Variants in C8orf34 observed in about 807,000 individuals in gnomAD.
The protein encoded by C8orf34 is chromosome 8 open reading frame 34, also known as uncharacterized protein C8orf34.
Under a neutral mutation model 68.3 loss-of-function variants are expected in C8orf34, and 65 were observed. The ratio of observed to expected loss-of-function variants is 0.95; its 90% CI spans 0.78 to 1.17. C8orf34 has a LOEUF of 1.17. Among genes scored for constraint, C8orf34 ranks in the 50% most tolerant of loss-of-function variants. The pLI, the probability that C8orf34 is intolerant of heterozygous loss-of-function variation, is 0.00. For missense variants in C8orf34, 664 were observed against 655.4 expected, an observed-to-expected ratio of 1.01 and a Z score of -0.14; for synonymous variants, 244 against 241.2, an observed-to-expected ratio of 1.01 and a Z score of -0.11.
chr8:68,443,396 T>C (rs1286708096), intron 2 of C8orf34, among the ~76,000 whole-genome samples: 2 of 152,076 alleles, frequency 1.3e-5, no homozygotes, highest in Non-Finnish European at 2.9e-5. Flanking sequence ...GGTGAATCTT[T>C]TCTTTGTTTT....
chr8:68,600,635 A>G (rs1360913998), intron 7 of C8orf34, among the ~76,000 whole-genome samples: 1 of 152,120 alleles, frequency 6.6e-6, no homozygotes, highest in Admixed American at 6.6e-5. Context: ...TTTTTTGTTG[A>G]TACATAATAT....
At chr8:68,766,545 A>G (rs1403882644) in intron 10 of C8orf34, among the ~76,000 whole-genome samples, 1 of 152,208 alleles carries the variant, frequency 6.6e-6, no homozygotes, top group Non-Finnish European at 1.5e-5. Context: ...GTTTAAGATT[A>G]AATCAAAACA....
chr8:68,664,396 G>A (rs1325092388), intron 8 of C8orf34, among the ~76,000 whole-genome samples: 1 of 152,114 alleles, frequency 6.6e-6, no homozygotes, highest in Non-Finnish European at 1.5e-5. Flanking sequence ...GTCATGCTAG[G>A]CCTCCTTTTC....
intron 7 of C8orf34, among the ~76,000 whole-genome samples, chr8:68,569,438 G>A (rs917091355): frequency 6.6e-6 from 1 of 152,084 alleles, no homozygotes; most frequent in Non-Finnish European, 1.5e-5. Context: ...AACACTTGTC[G>A]GCCCCTCCCC....
At position 68,604,916 on chromosome 8, in the gene C8orf34, C is replaced by T. The variant is rs192303141; in HGVS notation, c.1106-35460C>T. ...AGGCATTGTCAAGAGAACATAAAGA[C>T]AAGAGGCACTGACTGGGTAAAAATA... is the stretch of plus-strand genomic sequence containing the variant. On this transcript the variant is annotated intron_variant, in intron 7 of 13. Coordinates refer to ENST00000518698, the MANE Select transcript of C8orf34 (RefSeq NM_052958.4). Among the ~76,000 whole-genome samples the T allele has an allele frequency of 2.0e-5, 3 of 152,124 alleles. No homozygotes were observed. The East Asian group carries it at 5.8e-4, about 29-fold the overall frequency.
chr8:68,535,006 A>G, intron 7 of C8orf34: 9 of 985,446 alleles, frequency 9.1e-6, no homozygotes, highest in Non-Finnish European at 1.1e-5. Flanking sequence ...GTAATTCCAC[A>G]TATCTCAGCA....
At chr8:68,468,900 C>A in intron 4 of C8orf34, 80 bp downstream of exon 4, 3 of 1,417,530 alleles carry the variant, frequency 2.1e-6, no homozygotes, top group South Asian at 1.3e-5. Flanking sequence ...GCCAATAACC[C>A]ATTTCTAACA....
At chr8:68,480,525 CT>C (rs1812815223) in intron 4 of C8orf34, among the ~76,000 whole-genome samples, 1 of 152,116 alleles carries the variant, frequency 6.6e-6, no homozygotes. Flanking sequence ...ATTTGGAGGC[CT>C]CAGAAGAAGA....
chr8:68,345,574 T>C (rs1218545661), intron 1 of C8orf34, among the ~76,000 whole-genome samples: 1 of 151,962 alleles, frequency 6.6e-6, no homozygotes, highest in African/African-American at 2.4e-5. Context: ...TCAATATTCA[T>C]AGTAGGAAAA....
intron 7 of C8orf34, among the ~76,000 whole-genome samples, chr8:68,612,996 C>T (rs962305999): frequency 3.3e-5 from 5 of 152,094 alleles, no homozygotes; most frequent in Non-Finnish European, 5.9e-5. Context: ...TTTCTAGCAC[C>T]ATTAATGCTC....
Position 68,521,702 on chromosome 8 carries a change from G to A in C8orf34, c.766-97G>A, listed in dbSNP as rs1047762288. On this transcript the variant is annotated intron_variant, in intron 5 of 13. Coordinates refer to ENST00000518698, the MANE Select transcript of C8orf34 (RefSeq NM_052958.4). ...TTGTATCAATTCAGAAAGACAAAAAGCATTTGACAGTCAAATATCTAGGCA... is the reference window on the plus strand; with the variant it reads ...TTGTATCAATTCAGAAAGACAAAAAACATTTGACAGTCAAATATCTAGGCA... The A allele has an allele frequency of 1.2e-5, 13 of 1,054,366 alleles. No individual in the cohort carries two copies. In the African/African-American group the frequency reaches 2.1e-4, roughly 17 times the overall value. The allele number at this position is 1,054,366 out of a possible 1,614,324, so 65.3% of individuals were successfully genotyped here.
At position 68,653,573 on chromosome 8, in the gene C8orf34, G is replaced by C. The variant is rs1819425632; in HGVS notation, c.1241+13062G>C. On this transcript the variant is annotated intron_variant, in intron 8 of 13. Coordinates refer to ENST00000518698, the MANE Select transcript of C8orf34 (RefSeq NM_052958.4). ...TCTAGAGGCTGGAAGTCTGAGATTG[G>C]GGTGCCAGCATGGCTCTGGTGAGGA... Among the ~76,000 whole-genome samples the C allele has an allele frequency of 2.0e-5, 3 of 152,128 alleles. 1 individual carries two copies. The South Asian group carries it at 6.2e-4, about 32-fold the overall frequency.
At chr8:68,815,163 T>G (rs1279044807) in intron 12 of C8orf34, among the ~76,000 whole-genome samples, 1 of 152,124 alleles carries the variant, frequency 6.6e-6, no homozygotes, top group Admixed American at 6.6e-5. Context: ...GCTTTCACCC[T>G]CTGTTTTATT....
Position 68,709,040 on chromosome 8 carries a change from A to G in C8orf34, c.1288A>G (p.Ile430Val). ...LEERTEESLPILHSPDEKIPD... is the reference protein window; with the variant it reads ...LEERTEESLPVLHSPDEKIPD... ...AGAAAGGACAGAAGAGTCACTACCA[A>G]TACTCCATTCTCCAGATGAAAAAAT... Residue 430 changes from isoleucine to valine, a missense_variant, in exon 9 of 14, where the codon ATA (isoleucine) becomes GTA (valine). By Grantham distance (29) the Ile-to-Val change is conservative. Transcript: ENST00000518698. 1 of 1,611,252 alleles carries G rather than the reference A, an allele frequency of 6.2e-7. No homozygotes were observed. Among genetic ancestry groups the G allele is most frequent in the Non-Finnish European group, 8.5e-7 (1 of 1,179,206 alleles).
chr8:68,626,361 G>A (rs1818538138), intron 7 of C8orf34, among the ~76,000 whole-genome samples: 1 of 152,124 alleles, frequency 6.6e-6, no homozygotes, highest in Non-Finnish European at 1.5e-5. Context: ...CCACTAATAT[G>A]TCAATTTAGT....
chr8:68,691,857 T>C (rs1168724091), intron 8 of C8orf34, among the ~76,000 whole-genome samples: 1 of 152,102 alleles, frequency 6.6e-6, no homozygotes, highest in Non-Finnish European at 1.5e-5. Context: ...GTGTATTTTC[T>C]GAGCATACTT....
At chr8:68,622,639 G>A (rs1169637567) in intron 7 of C8orf34, among the ~76,000 whole-genome samples, 1 of 152,144 alleles carries the variant, frequency 6.6e-6, no homozygotes, top group Admixed American at 6.5e-5. Flanking sequence ...TATCAAGATA[G>A]CATCTTTGTT....
At chr8:68,693,802 G>A (rs1230052605) in intron 8 of C8orf34, among the ~76,000 whole-genome samples, 2 of 152,016 alleles carry the variant, frequency 1.3e-5, no homozygotes, top group African/African-American at 4.8e-5. Flanking sequence ...CCTAGCTTAG[G>A]GTCCTTGGAC....
intron 1 of C8orf34, among the ~76,000 whole-genome samples, chr8:68,425,965 G>T (rs545533327): frequency 6.6e-6 from 1 of 152,310 alleles, no homozygotes; most frequent in African/African-American, 2.4e-5. Context: ...AAGAGCATTT[G>T]TAGGGAAAAA....
Sources: allele counts gnomAD v4.1 joint callset (sites outside exome capture counted in the v4.1 genomes callset), GRCh38; gene constraint gnomAD v4.1.1; transcripts MANE v1.5; gene names NCBI Gene and HGNC (gene_info 2026-07-23, HGNC 2026-07-21).